EHBP1: variants seen among roughly 807,000 people sequenced by gnomAD.
EHBP1 encodes EH domain-binding protein 1.
A neutral mutation model predicts 144.0 loss-of-function variants in EHBP1; 55 were observed. That is an observed-to-expected ratio of 0.38 (90% confidence interval 0.31 to 0.48). EHBP1 has a LOEUF of 0.48. Among genes scored for constraint, EHBP1 ranks in the 20% least tolerant of loss-of-function variants. EHBP1 has a pLI of 0.98. For missense variants in EHBP1, 1,200 were observed against 1,364.2 expected (o/e 0.88, Z 1.90); for synonymous variants, 469 against 472.7 (o/e 0.99, Z 0.10).
chr2:62,815,522 T>A (rs1348133898), intron 5 of EHBP1, among the ~76,000 whole-genome samples: 12 of 152,186 alleles, frequency 7.9e-5, no homozygotes, highest in African/African-American at 2.9e-4. Flanking sequence ...AGGAGAAAGT[T>A]TTTCAAGAAA....
At chr2:62,692,080 G>A (rs1176311154) in intron 1 of EHBP1, among the ~76,000 whole-genome samples, 1 of 152,050 alleles carries the variant, frequency 6.6e-6, no homozygotes, top group East Asian at 1.9e-4. Context: ...TGAACTTTCT[G>A]TCTCTGTGGA....
At chr2:62,845,766 C>T (rs2048250679) in intron 7 of EHBP1, among the ~76,000 whole-genome samples, 1 of 149,982 alleles carries the variant, frequency 6.7e-6, no homozygotes, top group South Asian at 2.1e-4. Context: ...TGGAGGTTGA[C>T]ATGAGAGGAT....
chr2:62,806,711 A>G (rs1421279185), intron 5 of EHBP1, among the ~76,000 whole-genome samples: 1 of 151,688 alleles, frequency 6.6e-6, no homozygotes, highest in East Asian at 1.9e-4. Flanking sequence ...TTAGCTTCTC[A>G]GTTAATTGTT....
intron 5 of EHBP1, among the ~76,000 whole-genome samples, chr2:62,796,959 A>C (rs2043581719): frequency 6.6e-6 from 1 of 152,070 alleles, no homozygotes; most frequent in Non-Finnish European, 1.5e-5. Flanking sequence ...AACCCAATGA[A>C]TAAAAGTACA....
chr2:62,957,574 C>T (rs1005056013), intron 14 of EHBP1, among the ~76,000 whole-genome samples: 5 of 147,968 alleles, frequency 3.4e-5, no homozygotes, highest in South Asian at 4.3e-4. Context: ...AAGTATGATT[C>T]GTACATAGAA....
intron 2 of EHBP1, among the ~76,000 whole-genome samples, chr2:62,743,216 A>G (rs2038878059): frequency 1.3e-5 from 2 of 152,174 alleles, no homozygotes; most frequent in African/African-American, 2.4e-5. Context: ...GTAAATAGAC[A>G]TACTGTAATT....
At chr2:62,775,193 G>A (rs996208838) in intron 5 of EHBP1, among the ~76,000 whole-genome samples, 1 of 152,058 alleles carries the variant, frequency 6.6e-6, no homozygotes, top group South Asian at 2.1e-4. Context: ...ATATTGTAAG[G>A]TATGGGAAAG....
At chr2:62,868,355 G>C (rs2050199444) in intron 9 of EHBP1, among the ~76,000 whole-genome samples, 5 of 151,894 alleles carry the variant, frequency 3.3e-5, no homozygotes, top group Admixed American at 3.3e-4. Context: ...CTGCAGCCTG[G>C]GCAACAACAG....
At chr2:62,850,642 A>C (rs2048628417) in intron 7 of EHBP1, among the ~76,000 whole-genome samples, 1 of 152,086 alleles carries the variant, frequency 6.6e-6, no homozygotes, top group Non-Finnish European at 1.5e-5. Context: ...AAACGTTTTC[A>C]ATTTTCTGTG....
At chr2:62,861,981 A>T (rs1410864002) in intron 8 of EHBP1, among the ~76,000 whole-genome samples, 1 of 152,184 alleles carries the variant, frequency 6.6e-6, no homozygotes, top group East Asian at 1.9e-4. Flanking sequence ...ATTTGTTAAT[A>T]CAAAATTGGA....
At position 62,750,332 on chromosome 2, in the gene EHBP1, T is replaced by C. The variant is rs934589840; in HGVS notation, c.162+2880T>C. 1.1e-4 allele frequency among the ~76,000 whole-genome samples: 17 copies of C among 151,284 alleles called. No individual in the cohort carries two copies. In the South Asian group the frequency reaches 2.9e-3, roughly 26 times the overall value. ...TATTTCTGAGGGCTCTGTTCTGTTC[T>C]ATTGATCTATATCTCTGTTTTGGTA... On this transcript the variant is annotated intron_variant, in intron 3 of 22. Coordinates refer to ENST00000431489, the MANE Select transcript of EHBP1 (RefSeq NM_001142616.3).
rs1041807552 is a variant in EHBP1, at chr2:62,804,847, C to T, written c.313-21240C>T. On this transcript the variant is annotated intron_variant, in intron 5 of 22. Coordinates refer to ENST00000431489, the MANE Select transcript of EHBP1 (RefSeq NM_001142616.3). ...CATTAGATTCTCATAGGAGTGTGAA[C>T]CCTATTGTGAGCTGTGCATGCAAGG... 2.0e-5 allele frequency among the ~76,000 whole-genome samples: 3 copies of T among 152,110 alleles called. No individual in the cohort carries two copies. In the East Asian group the frequency reaches 5.8e-4, roughly 29 times the overall value.
upstream of EHBP1, among the ~76,000 whole-genome samples, chr2:62,704,185 C>T (rs1331964884): frequency 4.6e-5 from 7 of 152,214 alleles, no homozygotes; most frequent in Admixed American, 4.6e-4. Context: ...TTACGATTAT[C>T]TTAACATTTT....
Position 62,948,966 on chromosome 2 carries a change from C to T in EHBP1, c.2120C>T (p.Ser707Phe), listed in dbSNP as rs1478096570. 1 of 1,613,916 alleles carries T rather than the reference C, an allele frequency of 6.2e-7. No homozygotes were observed. Among genetic ancestry groups the T allele is most frequent in the Admixed American group, 1.7e-5 (1 of 60,004 alleles). The change falls in exon 13 of 23, where the codon TCC (serine) becomes TTC (phenylalanine). Residue 707 changes from serine (S) to phenylalanine (F), a missense_variant. This residue lies in a region of EHBP1 where 543 missense variants were observed against 513.1 expected (regional missense o/e 1.06). Coordinates refer to ENST00000431489, the MANE Select transcript of EHBP1 (RefSeq NM_001142616.3). ...AAAGAAAAATTAGAGAATTCCAGAT[C>T]CTTAGAATGCAGATCAGATCCAGAA... is the stretch of plus-strand genomic sequence containing the variant. ...LEKEKLENSRSLECRSDPESP... is the reference protein window; with the variant it reads ...LEKEKLENSRFLECRSDPESP...
At chr2:62,886,956 G>A (rs1396426208) in intron 10 of EHBP1, among the ~76,000 whole-genome samples, 1 of 152,100 alleles carries the variant, frequency 6.6e-6, no homozygotes, top group Non-Finnish European at 1.5e-5. Flanking sequence ...AGGATTTTCT[G>A]TGGGCAATAG....
chr2:63,009,535 C>T (rs1324699302), intron 19 of EHBP1, among the ~76,000 whole-genome samples: 1 of 151,442 alleles, frequency 6.6e-6, no homozygotes, highest in Non-Finnish European at 1.5e-5. Context: ...GTGCTCATTG[C>T]TTTAACTAGG....
At chr2:62,747,304 A>G in intron 2 of EHBP1, 91 bp from the exon 3 acceptor site, 5 of 1,094,156 alleles carry the variant, frequency 4.6e-6, no homozygotes, top group Non-Finnish European at 6.8e-6. Flanking sequence ...TGTAGCCTAA[A>G]GCAGATGACA....
intron 2 of EHBP1, among the ~76,000 whole-genome samples, chr2:62,729,837 C>T (rs1201483544): frequency 1.3e-5 from 2 of 151,534 alleles, no homozygotes; most frequent in African/African-American, 4.8e-5. Context: ...GTGCCTGTTT[C>T]CCCACAGCCT....
chr2:63,042,420 T>C (rs902168020), intron 21 of EHBP1, among the ~76,000 whole-genome samples: 1 of 152,104 alleles, frequency 6.6e-6, no homozygotes, highest in African/African-American at 2.4e-5. Flanking sequence ...ATCTATTCAC[T>C]GCACATTGCT....
Sources: allele counts gnomAD v4.1 joint callset (sites outside exome capture counted in the v4.1 genomes callset), GRCh38; gene constraint gnomAD v4.1.1; regional missense constraint gnomAD v4.1.1; transcripts MANE v1.5; gene names NCBI Gene and HGNC (gene_info 2026-07-23, HGNC 2026-07-21).